RBM19: variants seen among roughly 807,000 people sequenced by gnomAD.
The protein encoded by RBM19 is RNA binding motif protein 19.
A neutral mutation model predicts 116.8 loss-of-function variants in RBM19; 94 were observed. The observed-to-expected ratio is 0.80, with a 90% confidence interval of 0.68 to 0.95. The LOEUF (loss-of-function observed/expected upper bound fraction) is 0.95. Among genes scored for constraint, RBM19 ranks in the 40% least tolerant of loss-of-function variants. RBM19 has a pLI of 0.00. For synonymous variants in RBM19, 475 were observed against 494.1 expected (o/e 0.96, Z 0.51); for missense variants, 1,161 against 1,220.7 (o/e 0.95, Z 0.73).
intron 20 of RBM19, 21 bp downstream of exon 20, chr12:113,918,371 A>C (rs1882903251): frequency 6.2e-7 from 1 of 1,613,936 alleles, no homozygotes; most frequent in African/African-American, 1.3e-5. Flanking sequence ...AGGAAAGGAA[A>C]TGAGGACACT....
intron 14 of RBM19, 104 bp from the exon 15 acceptor site, chr12:113,940,264 G>C: frequency 4.9e-6 from 6 of 1,222,966 alleles, no homozygotes; most frequent in Non-Finnish European, 6.9e-6. Context: ...TCTCCATTTG[G>C]AACCTCAGCA....
At chr12:113,944,998 G>C (rs1406634109) in intron 13 of RBM19, among the ~76,000 whole-genome samples, 1 of 152,044 alleles carries the variant, frequency 6.6e-6, no homozygotes, top group African/African-American at 2.4e-5. Context: ...ATACAAAAGA[G>C]CAGATATGTC....
intron 21 of RBM19, among the ~76,000 whole-genome samples, chr12:113,878,325 CA>C (rs1303436161): frequency 6.6e-6 from 1 of 152,148 alleles, no homozygotes; most frequent in East Asian, 1.9e-4. Flanking sequence ...CAGGTACTTA[CA>C]GGGGGCACTT....
intron 21 of RBM19, among the ~76,000 whole-genome samples, chr12:113,894,911 G>C (rs1881216274): frequency 6.6e-6 from 1 of 152,160 alleles, no homozygotes; most frequent in Non-Finnish European, 1.5e-5. Context: ...TTGGACAGGG[G>C]CTGTCCTTCA....
intron 14 of RBM19, among the ~76,000 whole-genome samples, chr12:113,940,663 G>C (rs1870498987): frequency 6.6e-6 from 1 of 152,164 alleles, no homozygotes; most frequent in Non-Finnish European, 1.5e-5. Flanking sequence ...CAGAGCTCCA[G>C]GCAGCCACAG....
At chr12:113,950,846 T>C (rs958145620) in intron 8 of RBM19, among the ~76,000 whole-genome samples, 3 of 152,220 alleles carry the variant, frequency 2.0e-5, no homozygotes, top group Non-Finnish European at 2.9e-5. Flanking sequence ...CTTTCCTATA[T>C]CCAGGCACCT....
At chr12:113,834,725 G>A (rs1875722227) in intron 23 of RBM19, among the ~76,000 whole-genome samples, 1 of 152,174 alleles carries the variant, frequency 6.6e-6, no homozygotes, top group East Asian at 1.9e-4. Flanking sequence ...GATTTAGGAG[G>A]TGCTGAGGAT....
downstream of RBM19, among the ~76,000 whole-genome samples, chr12:113,820,321 G>T (rs1438562552): frequency 2.0e-5 from 3 of 151,944 alleles, no homozygotes; most frequent in Admixed American, 6.6e-5. Flanking sequence ...CCCAAGCTTG[G>T]GTTGGACAAG....
intron 7 of RBM19, among the ~76,000 whole-genome samples, chr12:113,954,237 A>G (rs1288518967): frequency 6.6e-6 from 1 of 152,228 alleles, no homozygotes; most frequent in Non-Finnish European, 1.5e-5. Flanking sequence ...GGCTTCAGTG[A>G]GCTATGATGG....
chr12:113,915,220 T>G (rs905889201), intron 20 of RBM19, 135 bp from the exon 21 acceptor site: 16 of 744,984 alleles, frequency 2.1e-5, no homozygotes, highest in African/African-American at 3.5e-5. Context: ...GGGACCAACG[T>G]GAAAGGAGAG....
chr12:113,876,084 T>C (rs539360424), intron 21 of RBM19, among the ~76,000 whole-genome samples: 1 of 152,288 alleles, frequency 6.6e-6, no homozygotes, highest in Admixed American at 6.5e-5. Flanking sequence ...CACACCCTCA[T>C]GGGGCAAGGT....
chr12:113,902,831 AT>A (rs1183166440), intron 21 of RBM19, among the ~76,000 whole-genome samples: 1 of 152,064 alleles, frequency 6.6e-6, no homozygotes, highest in Admixed American at 6.5e-5. Context: ...AGTTTTGGCT[AT>A]TTATGCATAA....
intron 16 of RBM19, among the ~76,000 whole-genome samples, chr12:113,933,935 C>T (rs1314100893): frequency 6.6e-6 from 1 of 152,154 alleles, no homozygotes; most frequent in Non-Finnish European, 1.5e-5. Flanking sequence ...AGACTATCCA[C>T]TGTGCCATAT....
intron 21 of RBM19, among the ~76,000 whole-genome samples, chr12:113,865,541 A>T (rs1375109782): frequency 6.6e-6 from 1 of 152,244 alleles, no homozygotes. Flanking sequence ...TCTAGCACTC[A>T]GAAAACACTG....
intron 20 of RBM19, among the ~76,000 whole-genome samples, 198 bp downstream of exon 20, chr12:113,918,194 T>C (rs935752108): frequency 9.2e-5 from 14 of 151,950 alleles, no homozygotes; most frequent in African/African-American, 3.1e-4. Flanking sequence ...CTAACACTGT[T>C]GTAGTTCACT....
intron 21 of RBM19, among the ~76,000 whole-genome samples, chr12:113,874,143 T>C (rs1166596057): frequency 6.6e-6 from 1 of 152,248 alleles, no homozygotes; most frequent in African/African-American, 2.4e-5. Context: ...TGCATTCTAT[T>C]GCACATTTTT....
intron 21 of RBM19, among the ~76,000 whole-genome samples, chr12:113,908,704 C>T (rs996844188): frequency 1.3e-5 from 2 of 149,632 alleles, no homozygotes; most frequent in African/African-American, 2.4e-5. Context: ...AGTTCCAGGG[C>T]GATAAGTGAA....
chr12:113,864,699 A>G (rs1038074534), intron 21 of RBM19, among the ~76,000 whole-genome samples: 6 of 152,194 alleles, frequency 3.9e-5, no homozygotes, highest in Non-Finnish European at 5.9e-5. Flanking sequence ...TCTGTAGTGG[A>G]GGGAGGCTTG....
intron 22 of RBM19, among the ~76,000 whole-genome samples, chr12:113,848,543 C>T (rs551762974): frequency 3.3e-5 from 5 of 152,104 alleles, no homozygotes; most frequent in Non-Finnish European, 5.9e-5. Context: ...ATTCTAGGGG[C>T]AAGGCAGGTG....
Sources: allele counts gnomAD v4.1 joint callset (sites outside exome capture counted in the v4.1 genomes callset), GRCh38; gene constraint gnomAD v4.1.1; transcripts MANE v1.5; gene names NCBI Gene and HGNC (gene_info 2026-07-23, HGNC 2026-07-21).